VWF: variants seen among roughly 807,000 people sequenced by gnomAD.
VWF encodes the protein Factor VIII related antigen.
A neutral mutation model predicts 308.6 loss-of-function variants in VWF; 176 were observed. The observed-to-expected ratio is 0.57, with a 90% confidence interval of 0.50 to 0.65. The LOEUF is 0.65. Ranked by LOEUF, VWF falls within the 30% of genes least tolerant of loss-of-function variation. VWF has a pLI of 0.00. For synonymous variants in VWF, 1,385 were observed against 1,443.4 expected, an observed-to-expected ratio of 0.96 and a Z score of 0.92; for missense variants, 3,146 against 3,648.2, an observed-to-expected ratio of 0.86 and a Z score of 3.55.
At chr12:6,016,969 G>C in intron 28 of VWF, 99 bp from the exon 29 acceptor site, 1 of 1,329,894 alleles carries the variant, frequency 7.5e-7, no homozygotes, top group Non-Finnish European at 1.1e-6. Context: ...AGGGCGTGCT[G>C]ACCACGTGGC....
At chr12:6,091,288 GT>G (rs1037701187) in intron 6 of VWF, among the ~76,000 whole-genome samples, 7 of 151,180 alleles carry the variant, frequency 4.6e-5, no homozygotes, top group African/African-American at 1.7e-4. Context: ...GTGATGGGGG[GT>G]GGGTGGGAGG....
chr12:6,092,821 T>G (rs565071335), intron 6 of VWF, among the ~76,000 whole-genome samples: 2 of 152,106 alleles, frequency 1.3e-5, no homozygotes, highest in African/African-American at 4.8e-5. Context: ...ATGTTAAGTC[T>G]CCATCCCAAA....
chr12:6,095,441 C>G lies in VWF; in HGVS notation c.657+19G>C. The G allele has an allele frequency of 6.2e-7, 1 of 1,614,012 alleles. No homozygotes were observed. Reference sequence around the variant, plus strand: ...AAATCACACACCATCCAGGTGCACCCAGGCCAGTCCACACCCACCTTCTGC... The same window carrying G: ...AAATCACACACCATCCAGGTGCACCGAGGCCAGTCCACACCCACCTTCTGC... On this transcript the variant is annotated intron_variant, in intron 6 of 51. Coordinates refer to ENST00000261405, the MANE Select transcript of VWF (RefSeq NM_000552.5).
At chr12:6,028,307 C>A (rs550590067) in intron 22 of VWF, among the ~76,000 whole-genome samples, 1 of 152,302 alleles carries the variant, frequency 6.6e-6, no homozygotes, top group South Asian at 2.1e-4. Context: ...CTAGAATAGT[C>A]TGCAGTGTTA....
Position 6,036,418 on chromosome 12 carries a change from C to T in VWF, c.2516G>A (p.Gly839Glu). The T allele has an allele frequency of 6.2e-7, 1 of 1,614,092 alleles. No individual in the cohort carries two copies. Among genetic ancestry groups the T allele is most frequent in the Non-Finnish European group, 8.5e-7 (1 of 1,179,898 alleles). The part of the protein sequence containing the change: ...CFHQGKEYAP[G>E]ETVKIGCNTC... ...GTTGCAGCCAATCTTCACTGTTTCT[C>T]CAGGGGCATACTCCTTGCCCTGATG... Residue 839 changes from glycine to glutamate, a missense_variant, in exon 19 of 52, where the codon GGA becomes GAA. By Grantham distance (98) the Gly-to-Glu change is moderately conservative. This residue lies in a region of VWF where 1,304 missense variants were observed against 1,353.0 expected (regional missense o/e 0.96). Coordinates refer to ENST00000261405, the MANE Select transcript of VWF (RefSeq NM_000552.5).
rs747097782 is a variant in VWF, at chr12:6,057,968, G to A, written c.1610C>T (p.Thr537Ile). The A allele has an allele frequency of 2.5e-6, 4 of 1,613,732 alleles. No homozygotes were observed. Among genetic ancestry groups the A allele is most frequent in the African/African-American group, 1.3e-5 (1 of 75,066 alleles). ...YNGNQGDDFL[T>I]PSGLAEPRVE... is the part of the protein sequence containing the mutation. ...CCGGGGCTCCGCCAGCCCAGAGGGG[G>A]TAAGGAAGTCGTCGCCCTGGTTGCC... The change falls in exon 14 of 52, where the codon ACC becomes ATC. Residue 537 changes from threonine to isoleucine, a missense_variant. Physicochemically the swap from Thr to Ile is moderately conservative, Grantham distance 89. Transcript: ENST00000261405.
At chr12:6,095,350 G>A in intron 6 of VWF, 110 bp downstream of exon 6, 2 of 1,540,340 alleles carry the variant, frequency 1.3e-6, no homozygotes, top group South Asian at 1.1e-5. Context: ...AAATGGCCCT[G>A]CGTAAGTCCA....
At chr12:6,013,711 G>A (rs1289791947) in intron 31 of VWF, 66 bp from the exon 32 acceptor site, 14 of 1,574,508 alleles carry the variant, frequency 8.9e-6, no homozygotes, top group African/African-American at 4.1e-5. Flanking sequence ...CTGGCCTGAC[G>A]TTATATCCAG....
At position 6,017,112 on chromosome 12, in the gene VWF, C is replaced by T. The variant is rs1452258050; in HGVS notation, c.5054-242G>A. Among the ~76,000 whole-genome samples the T allele has an allele frequency of 2.6e-5, 4 of 152,326 alleles. No homozygotes were observed. In the East Asian group the frequency reaches 5.8e-4, roughly 22 times the overall value. ...AGACACTGAGAAGACTCCAATTCTACCCAAAGGAAGTTTAAATGTCTACAA... is the reference window on the plus strand; with the variant it reads ...AGACACTGAGAAGACTCCAATTCTATCCAAAGGAAGTTTAAATGTCTACAA... On this transcript the variant is annotated intron_variant, in intron 28 of 51. Coordinates refer to ENST00000261405, the MANE Select transcript of VWF (RefSeq NM_000552.5).
Position 6,057,015 on chromosome 12 carries a change from T to A in VWF, c.1787A>T (p.His596Leu). The change falls in exon 15 of 52, where the codon CAT becomes CTT. Residue 596 changes from histidine (H) to leucine (L), a missense_variant. Transcript: ENST00000261405. ...VLTSPTFEAC[H>L]RAVSPLPYLR... ...GTAGGGCAGCGGGCTGACGGCACGATGGCAGGCCTCGAATGTGGGGGACGT... is the reference window on the plus strand; with the variant it reads ...GTAGGGCAGCGGGCTGACGGCACGAAGGCAGGCCTCGAATGTGGGGGACGT... 1 of 1,550,482 alleles carries A rather than the reference T, an allele frequency of 6.4e-7. No individual in the cohort carries two copies.
intron 22 of VWF, among the ~76,000 whole-genome samples, chr12:6,026,433 G>A (rs1243721906): frequency 6.6e-6 from 1 of 152,190 alleles, no homozygotes; most frequent in Non-Finnish European, 1.5e-5. Context: ...CAATGGAGGT[G>A]TAGGGGTCCA....
chr12:6,112,719 G>T (rs370954360), intron 3 of VWF, among the ~76,000 whole-genome samples: 1 of 152,008 alleles, frequency 6.6e-6, no homozygotes, highest in African/African-American at 2.4e-5. Context: ...ATGGCCAGAG[G>T]AGCTGGGGCA....
In VWF at chr12:5,965,820, G is replaced by A. The variant is rs187513910; in HGVS notation, c.7887+1666C>T. Among the ~76,000 whole-genome samples, 11 of 152,184 alleles carry A rather than the reference G, an allele frequency of 7.2e-5. No homozygotes were observed. The South Asian group carries it at 1.0e-3, about 14-fold the overall frequency. ...AGCTAGAACGGGATCAGCAGAGGCC[G>A]GATTCAGCAAGGCTTGAGAGATGCA... On this transcript the variant is annotated intron_variant, in intron 47 of 51. Coordinates refer to ENST00000261405, the MANE Select transcript of VWF (RefSeq NM_000552.5).
At chr12:5,993,813 G>C in intron 37 of VWF, 49 bp downstream of exon 37, 1 of 1,573,464 alleles carries the variant, frequency 6.4e-7, no homozygotes, top group Non-Finnish European at 8.7e-7. Flanking sequence ...GGCTGAGCAA[G>C]CCCAGTTAGC....
intron 13 of VWF, among the ~76,000 whole-genome samples, chr12:6,061,115 C>T (rs560025671): frequency 1.3e-5 from 2 of 152,260 alleles, no homozygotes; most frequent in South Asian, 2.1e-4. Flanking sequence ...GCAGGAGAAT[C>T]GCTTCAGCCT....
chr12:5,965,431 A>G (rs1943391042), intron 47 of VWF, among the ~76,000 whole-genome samples: 1 of 152,020 alleles, frequency 6.6e-6, no homozygotes, highest in Non-Finnish European at 1.5e-5. Flanking sequence ...GGTCTATTCG[A>G]CATTCAACCC....
At chr12:6,029,632 G>A in intron 21 of VWF, 144 bp from the exon 22 acceptor site, 2 of 1,077,076 alleles carry the variant, frequency 1.9e-6, no homozygotes, top group South Asian at 2.7e-5. Context: ...ACCTGCCACT[G>A]CACCCCTGCA....
intron 15 of VWF, among the ~76,000 whole-genome samples, chr12:6,053,370 G>C (rs1944540823): frequency 6.6e-6 from 1 of 152,208 alleles, no homozygotes; most frequent in South Asian, 2.1e-4. Context: ...CTCACAGGAA[G>C]AAGCAGAGGA....
intron 18 of VWF, among the ~76,000 whole-genome samples, chr12:6,043,265 C>T (rs1013330224): frequency 7.9e-5 from 12 of 152,226 alleles, no homozygotes; most frequent in African/African-American, 2.9e-4. Flanking sequence ...CTGTCCTTCA[C>T]ACACTGCAAT....
Sources: allele counts gnomAD v4.1 joint callset (sites outside exome capture counted in the v4.1 genomes callset), GRCh38; gene constraint gnomAD v4.1.1; regional missense constraint gnomAD v4.1.1; transcripts MANE v1.5; gene names NCBI Gene and HGNC (gene_info 2026-07-23, HGNC 2026-07-21).